TAOK2: variants seen among roughly 807,000 people sequenced by gnomAD.
TAOK2 encodes the protein TAO kinase 2.
TAOK2 carries 42 observed loss-of-function variants against 122.5 expected under a neutral mutation model. That is an observed-to-expected ratio of 0.34 (90% CI 0.27 to 0.44). The LOEUF (loss-of-function observed/expected upper bound fraction) is 0.44. TAOK2 is among the 20% of genes least tolerant of loss of function. The probability of loss-of-function intolerance (pLI) is 1.00; values close to 1 mark genes in which losing one functional copy is unlikely to be tolerated. For missense variants in TAOK2, 1,264 were observed against 1,644.9 expected (o/e 0.77, Z 4.01); for synonymous variants, 704 against 677.6 (o/e 1.04, Z -0.61).
chr16:29,989,558 T>C (rs1444265773), downstream of TAOK2: 1 of 1,611,036 alleles, frequency 6.2e-7, no homozygotes, highest in Non-Finnish European at 8.5e-7. Flanking sequence ...TCTTCCCCGC[T>C]GCCCCCATCT....
At position 29,985,589 on chromosome 16, in the gene TAOK2, G is replaced by A. The variant is rs1596612194; in HGVS notation, c.1788+11G>A. On this transcript the variant is annotated intron_variant, in intron 14 of 15. Transcript: ENST00000308893. The surrounding 1 kb of genome is among the most constrained non-coding windows in gnomAD (Gnocchi z 6.9). ...GAACAGCTGAAGGAGGTGAGCTAGG[G>A]CTGCTTGGGGGCGGAGCCGATGGCG... 7 of 1,602,868 alleles carry A rather than the reference G, an allele frequency of 4.4e-6. No individual in the cohort carries two copies. In the East Asian group the frequency reaches 1.3e-4, roughly 31 times the overall value.
intron 1 of TAOK2, among the ~76,000 whole-genome samples, chr16:29,975,214 T>C (rs2069417823): frequency 6.6e-6 from 1 of 152,174 alleles, no homozygotes; most frequent in South Asian, 2.1e-4. Context: ...GTCAATAATC[T>C]CATCCATTTG....
downstream of TAOK2, chr16:29,990,969 A>G (rs2069952446): frequency 1.2e-6 from 2 of 1,609,694 alleles, no homozygotes; most frequent in Admixed American, 3.3e-5. Flanking sequence ...AGCAGCGGGT[A>G]AGGGGCCCAG....
chr16:29,985,859 G>C lies in TAOK2; in HGVS notation c.1990G>C (p.Glu664Gln), dbSNP rs777255470. 3 of 1,611,380 alleles carry C rather than the reference G, an allele frequency of 1.9e-6. No individual in the cohort carries two copies. The highest frequency in any genetic ancestry group is 2.5e-6 in the Non-Finnish European group (3 of 1,179,578). ...CAGCCTGGACCAGGACCTGCTGCGG[G>C]AGGTAGGCATCCCAATCTCTGTTCC... is the stretch of plus-strand genomic sequence containing the variant. ...RHSLDQDLLR[E>Q]DLNKKQTQKD... The change falls in exon 15 of 16, where the codon GAG becomes CAG. Residue 664 changes from glutamate (E) to glutamine (Q), a missense_variant and splice_region_variant. Around this residue, in one of 4 missense-constraint regions of TAOK2, gnomAD observed 824 missense variants for 908.7 expected, o/e 0.91. Transcript: ENST00000308893. This position sits in a 1 kb window ranked among gnomAD's most constrained non-coding sequence, Gnocchi z 6.9.
chr16:29,986,972 G>A lies in TAOK2; in HGVS notation c.2700G>A (p.Glu900=). The change falls in exon 16 of 16, where the codon GAG becomes GAA. Residue 900 remains glutamate (E), a synonymous_variant. Coordinates refer to ENST00000308893, the MANE Select transcript of TAOK2 (RefSeq NM_016151.4). The surrounding 1 kb of genome is among the most constrained non-coding windows in gnomAD (Gnocchi z 4.2). ...GCCCAGCACTGACTCCCGTCCCTGA[G>A]GAGGAGGAAGAAGAGGAAGAGGGGG... ...VQGPALTPVP[E]EEEEEEEGAP... 1.2e-6 allele frequency: 2 copies of A among 1,613,656 alleles called. No individual in the cohort carries two copies. The highest frequency in any genetic ancestry group is 1.3e-5 in the African/African-American group (1 of 75,004).
chr16:29,989,005 C>A (rs1462032852), downstream of TAOK2: 1 of 985,284 alleles, frequency 1.0e-6, no homozygotes, highest in Non-Finnish European at 1.2e-6. Flanking sequence ...AATGGGGCAG[C>A]CCCTTCTTAC....
chr16:29,978,795 T>G lies in TAOK2; in HGVS notation c.307-4T>G, dbSNP rs752279771. The G allele has an allele frequency of 1.9e-6, 3 of 1,614,088 alleles. No homozygotes were observed. The highest frequency in any genetic ancestry group is 2.5e-6 in the Non-Finnish European group (3 of 1,180,000). On this transcript the variant is annotated splice_region_variant and splice_polypyrimidine_tract_variant and intron_variant, in intron 4 of 15. Transcript: ENST00000308893. ...CTGATCTCTGACCCTTGTCTCTTCC[T>G]TAGCTGGTAATGGAGTATTGCCTGG...
In TAOK2 at chr16:29,985,188, G is replaced by C; in HGVS notation, c.1423-25G>C. ...TAACTAGGGGCCAGGCTGAGCCCCA[G>C]CTCTCACCCTCTCTCCTTCCCCAGG... On this transcript the variant is annotated intron_variant, in intron 13 of 15. Coordinates refer to ENST00000308893, the MANE Select transcript of TAOK2 (RefSeq NM_016151.4). The surrounding 1 kb of genome is among the most constrained non-coding windows in gnomAD (Gnocchi z 6.9). 6.7e-7 allele frequency: 1 copy of C among 1,491,542 alleles called. No homozygotes were observed. Among genetic ancestry groups the C allele is most frequent in the Non-Finnish European group, 8.9e-7 (1 of 1,119,742 alleles). The allele number at this position is 1,491,542 out of a possible 1,614,324, so 92.4% of individuals were successfully genotyped here.
rs2069561147 is a variant in TAOK2 at position 29,979,742 on chromosome 16, C to T, written c.655+234C>T. The stretch of plus-strand genomic sequence containing the variant: ...CCACTACCCTGGTTCTGAATCTTTT[C>T]TTAGTGCCCACCATGTGCTGTGCCA... On this transcript the variant is annotated intron_variant, in intron 8 of 15. Coordinates refer to ENST00000308893, the MANE Select transcript of TAOK2 (RefSeq NM_016151.4). This position sits in a 1 kb window ranked among gnomAD's most constrained non-coding sequence, Gnocchi z 4.1. 6.6e-6 allele frequency among the ~76,000 whole-genome samples: 1 copy of T among 152,150 alleles called. No individual in the cohort carries two copies. Among genetic ancestry groups the T allele is most frequent in the African/African-American group, 2.4e-5 (1 of 41,440 alleles).
intron 8 of TAOK2, chr16:29,981,315 GT>G: frequency 1.8e-6 from 1 of 552,786 alleles, no homozygotes; most frequent in East Asian, 2.9e-5. Context: ...CCTAATTCTT[GT>G]TTTTATCTTC....
At position 29,986,157 on chromosome 16, in the gene TAOK2, G is replaced by C; in HGVS notation, c.1993-108G>C. On this transcript the variant is annotated intron_variant, in intron 15 of 15. Transcript: ENST00000308893. This position sits in a 1 kb window ranked among gnomAD's most constrained non-coding sequence, Gnocchi z 4.2. Reference sequence around the variant, plus strand: ...ACTTCCTTGATACTGACCAGGCCCTGGGCCCTGTGTTTCTTCCGCCATCCC... The same window carrying C: ...ACTTCCTTGATACTGACCAGGCCCTCGGCCCTGTGTTTCTTCCGCCATCCC... The C allele has an allele frequency of 6.9e-7, 1 of 1,454,652 alleles. No homozygotes were observed. Among genetic ancestry groups the C allele is most frequent in the African/African-American group, 1.4e-5 (1 of 70,296 alleles). The allele number at this position is 1,454,652 out of a possible 1,614,324, so 90.1% of individuals were successfully genotyped here. A position where few individuals can be genotyped will look rare whatever the true frequency, so the allele number is the denominator to read the frequency against.
downstream of TAOK2, chr16:29,988,595 G>A (rs1006671822): frequency 1.8e-5 from 18 of 985,382 alleles, no homozygotes; most frequent in Non-Finnish European, 2.0e-5. Flanking sequence ...TGGGGTCTGG[G>A]CCCCTGTAGA....
At chr16:29,991,653 G>C (rs2069971690), downstream of TAOK2, 2 of 1,385,366 alleles carry the variant, frequency 1.4e-6, no homozygotes, top group Non-Finnish European at 1.9e-6. The surrounding 1 kb of genome is among the most constrained non-coding windows in gnomAD (Gnocchi z 5.6). Flanking sequence ...GGAGGCCCCT[G>C]CAAGGGTAGG....
chr16:29,985,691 G>A lies in TAOK2; in HGVS notation c.1822G>A (p.Glu608Lys). Residue 608 changes from glutamate to lysine, a missense_variant, in exon 15 of 16, where the codon GAG becomes AAG. By Grantham distance (56) the Glu-to-Lys change is moderately conservative. This residue lies in a region of TAOK2 where 824 missense variants were observed against 908.7 expected (regional missense o/e 0.91). Transcript: ENST00000308893. This position sits in a 1 kb window ranked among gnomAD's most constrained non-coding sequence, Gnocchi z 6.9. ...GGAGAACCCCAGCACTCCCAAGCGGGAGAAGGCCGAGTGGCTGCTGCGGCA... is the reference window on the plus strand; with the variant it reads ...GGAGAACCCCAGCACTCCCAAGCGGAAGAAGGCCGAGTGGCTGCTGCGGCA... ...LQENPSTPKR[E>K]KAEWLLRQKE... The A allele has an allele frequency of 6.2e-7, 1 of 1,608,390 alleles. No individual in the cohort carries two copies. Among genetic ancestry groups the A allele is most frequent in the Non-Finnish European group, 8.5e-7 (1 of 1,177,732 alleles).
In TAOK2 at chr16:29,986,139, T is replaced by G. The variant is rs1035612919; in HGVS notation, c.1993-126T>G. On this transcript the variant is annotated intron_variant, in intron 15 of 15. Coordinates refer to ENST00000308893, the MANE Select transcript of TAOK2 (RefSeq NM_016151.4). The surrounding 1 kb of genome is among the most constrained non-coding windows in gnomAD (Gnocchi z 4.2). ...AAGGAGCCCTGGCCCCTCACTTCCT[T>G]GATACTGACCAGGCCCTGGGCCCTG... 46 of 1,417,470 alleles carry G rather than the reference T, an allele frequency of 3.2e-5. No homozygotes were observed. The African/African-American group carries it at 5.2e-4, about 16-fold the overall frequency. The allele number at this position is 1,417,470 out of a possible 1,614,324, so 87.8% of individuals were successfully genotyped here.
chr16:29,987,933 C>G lies in TAOK2; in HGVS notation c.3661C>G (p.Arg1221Gly). 6.5e-7 allele frequency: 1 copy of G among 1,540,602 alleles called. No individual in the cohort carries two copies. Among genetic ancestry groups the G allele is most frequent in the Non-Finnish European group, 8.7e-7 (1 of 1,148,934 alleles). ...RQPLPGTLAG[R>G]RSRTRQSRAL... ...GCCACTGCCAGGGACTCTAGCCGGG[C>G]GGAGGTCACGCACCCGCCAGTCCCG... The change falls in exon 16 of 16, where the codon CGG becomes GGG. Residue 1221 changes from arginine (R) to glycine (G), a missense_variant. Around this residue, in one of 4 missense-constraint regions of TAOK2, gnomAD observed 824 missense variants for 908.7 expected, o/e 0.91. Transcript: ENST00000308893.
chr16:29,984,460 A>G (rs973447339), intron 13 of TAOK2, among the ~76,000 whole-genome samples: 1 of 152,148 alleles, frequency 6.6e-6, no homozygotes, highest in Admixed American at 6.5e-5. Context: ...AGCGTCAACA[A>G]TCCCCTTAGA....
chr16:29,988,211 C>G lies in TAOK2; in HGVS notation c.*231C>G. ...CCTCCCCTAAGTTATTGCTGTTCGC[C>G]CGCTGTGTGTGCTCATCCTCACCCT... is the stretch of plus-strand genomic sequence containing the variant. On this transcript the variant is annotated 3_prime_UTR_variant, in exon 16 of 16. Transcript: ENST00000308893. 2.8e-6 allele frequency: 4 copies of G among 1,434,126 alleles called. No individual in the cohort carries two copies. The highest frequency in any genetic ancestry group is 3.6e-6 in the Non-Finnish European group (4 of 1,099,618). The allele number at this position is 1,434,126 out of a possible 1,614,324, so 88.8% of individuals were successfully genotyped here.
chr16:29,982,969 C>T, intron 11 of TAOK2, 68 bp downstream of exon 11: 6 of 1,604,250 alleles, frequency 3.7e-6, no homozygotes, highest in Non-Finnish European at 4.3e-6. Flanking sequence ...GTTGCTTGGC[C>T]CCTTCCCCAG....
Sources: gnomAD v4.1 joint callset for allele counts (sites outside exome capture counted in the v4.1 genomes callset) on GRCh38, gnomAD v4.1.1 for gene constraint, gnomAD v4.1.1 regional missense constraint, Gnocchi (gnomAD v3.1) non-coding constraint, MANE v1.5 for transcripts, NCBI Gene and HGNC (gene_info 2026-07-23, HGNC 2026-07-21) for gene names.